The following ANKRD18B variants were observed in gnomAD, a reference collection of about 807,000 sequenced individuals.
ANKRD18B encodes the protein ankyrin repeat domain 18B.
ANKRD18B carries 75 observed loss-of-function variants against 111.8 expected under a neutral mutation model. The observed-to-expected ratio is 0.67, with a 90% CI of 0.56 to 0.81. ANKRD18B has a LOEUF of 0.81. Ranked by LOEUF, ANKRD18B falls within the 40% of genes least tolerant of loss-of-function variation. ANKRD18B has a pLI of 0.00. For synonymous variants in ANKRD18B, 356 were observed against 417.3 expected (o/e 0.85, Z 1.79); for missense variants, 1,038 against 1,225.5 (o/e 0.85, Z 2.28).
At position 33,536,935 on chromosome 9, in the gene ANKRD18B, T is replaced by C; in HGVS notation, c.798T>C (p.Asn266=). 5 of 1,500,664 alleles carry C rather than the reference T, an allele frequency of 3.3e-6. No homozygotes were observed. The highest frequency in any genetic ancestry group is 4.5e-6 in the Non-Finnish European group (5 of 1,118,496). The allele number at this position is 1,500,664 out of a possible 1,614,324, so 93.0% of individuals were successfully genotyped here. The change falls in exon 6 of 19, where the codon AAT becomes AAC. Residue 266 remains asparagine (N), a synonymous_variant. Coordinates refer to ENST00000684830, the MANE Select transcript of ANKRD18B (RefSeq NM_001393611.1). ...KNKMLKNHLR[N]DNQEAAAMKN... ...AGATGCTTAAAAATCATCTTCGAAA[T>C]GACAATCAAGGTAAGACTTCTGATA...
chr9:33,550,825 C>T (rs1320696470), intron 12 of ANKRD18B, among the ~76,000 whole-genome samples: 2 of 152,122 alleles, frequency 1.3e-5, no homozygotes, highest in African/African-American at 2.4e-5. Flanking sequence ...GAGAATGATA[C>T]ATCATTCCTC....
At chr9:33,559,014 GTTTTAAGGATTC>G in intron 14 of ANKRD18B, among the ~76,000 whole-genome samples, 2 of 152,308 alleles carry the variant, frequency 1.3e-5, no homozygotes, top group Non-Finnish European at 2.9e-5. Flanking sequence ...TCATAGGTGG[GTTTTAAGGATTC>G]TTTCAGTGAC....
chr9:33,569,347 C>T (rs1461852272), intron 17 of ANKRD18B, among the ~76,000 whole-genome samples: 1 of 149,476 alleles, frequency 6.7e-6, no homozygotes, highest in East Asian at 2.0e-4. Flanking sequence ...TAATTGCAAC[C>T]TCCGCCTCCT....
chr9:33,527,309 T>TTTCGTTTG (rs1554646722), intron 1 of ANKRD18B, among the ~76,000 whole-genome samples: 1 of 144,460 alleles, frequency 6.9e-6, no homozygotes, highest in African/African-American at 2.5e-5. Flanking sequence ...ATGTTTCTTT[T>TTTCGTTTG]TTTGTTTGTT....
At chr9:33,541,951 A>C (rs947341067) in intron 9 of ANKRD18B, among the ~76,000 whole-genome samples, 8 of 152,132 alleles carry the variant, frequency 5.3e-5, no homozygotes, top group African/African-American at 1.7e-4. Flanking sequence ...TCATGTAGAC[A>C]AAAACATACG....
chr9:33,541,798 T>A (rs952295347), intron 9 of ANKRD18B, among the ~76,000 whole-genome samples: 1 of 152,216 alleles, frequency 6.6e-6, no homozygotes, highest in Non-Finnish European at 1.5e-5. Flanking sequence ...TTTAAAAAAA[T>A]TTAAGAAATG....
In ANKRD18B at chr9:33,524,714, T is replaced by G. The variant is rs1203759921; in HGVS notation, c.206+19T>G. ...AAGACAGGTAGCGGGGGCTCAGCCC[T>G]CGGTGGGAGGGGGCCCCCAGGCCCG... On this transcript the variant is annotated intron_variant, in intron 1 of 18. Transcript: ENST00000684830. The G allele has an allele frequency of 1.7e-5, 27 of 1,545,516 alleles. No homozygotes were observed. The highest frequency in any genetic ancestry group is 2.0e-5 in the Non-Finnish European group (23 of 1,144,462).
chr9:33,569,418 C>A (rs1167907081), intron 17 of ANKRD18B, among the ~76,000 whole-genome samples: 1 of 151,900 alleles, frequency 6.6e-6, no homozygotes, highest in African/African-American at 2.4e-5. Context: ...GTGCCTGCCA[C>A]CACACCTGGC....
At chr9:33,571,479 T>C (rs1828774955) in intron 18 of ANKRD18B, 188 bp downstream of exon 18, 1 of 171,248 alleles carries the variant, frequency 5.8e-6, no homozygotes, top group African/African-American at 2.4e-5. Flanking sequence ...GCATCATTAA[T>C]TCATCATGTT....
intron 5 of ANKRD18B, among the ~76,000 whole-genome samples, chr9:33,536,564 G>T (rs1271492047): frequency 1.3e-5 from 2 of 152,162 alleles, no homozygotes; most frequent in Non-Finnish European, 2.9e-5. Flanking sequence ...AGAAGCAACT[G>T]ATCTGAAAAC....
In ANKRD18B at chr9:33,548,845, C is replaced by G; in HGVS notation, c.2057C>G (p.Ala686Gly). The change falls in exon 11 of 19, where the codon GCA (alanine) becomes GGA (glycine). Residue 686 changes from alanine to glycine, a missense_variant. By Grantham distance (60) the Ala-to-Gly change is moderately conservative. Transcript: ENST00000684830. ...EKLLQYEKEK[A>G]EREVIVREFQ... ...CTGCTTCAGTATGAAAAAGAAAAAG[C>G]AGAAAGAGAAGTAAGTATGAAGAAA... 1 of 1,481,860 alleles carries G rather than the reference C, an allele frequency of 6.7e-7. No homozygotes were observed. Among genetic ancestry groups the G allele is most frequent in the South Asian group, 1.5e-5 (1 of 68,692 alleles). The allele number at this position is 1,481,860 out of a possible 1,614,324, so 91.8% of individuals were successfully genotyped here.
At chr9:33,570,626 T>C (rs1384544939) in intron 17 of ANKRD18B, among the ~76,000 whole-genome samples, 2 of 148,742 alleles carry the variant, frequency 1.3e-5, no homozygotes, top group Non-Finnish European at 3.0e-5. Flanking sequence ...ATGACTTTAA[T>C]TGTTTAACCT....
chr9:33,549,020 A>T (rs1828409162), intron 11 of ANKRD18B, among the ~76,000 whole-genome samples, 165 bp downstream of exon 11: 1 of 152,190 alleles, frequency 6.6e-6, no homozygotes, highest in East Asian at 1.9e-4. Context: ...GTATAGGGAC[A>T]GAAAGATGAT....
intron 15 of ANKRD18B, among the ~76,000 whole-genome samples, chr9:33,566,736 T>G (rs1828691473): frequency 6.6e-6 from 1 of 152,136 alleles, no homozygotes; most frequent in Admixed American, 6.5e-5. Context: ...AAAGGGGGAA[T>G]TTGATGATTA....
In ANKRD18B at chr9:33,548,340, T is replaced by C. The variant is rs187816978; in HGVS notation, c.1552T>C (p.Trp518Arg). Residue 518 changes from tryptophan to arginine, a missense_variant, in exon 11 of 19, where the codon TGG becomes CGG. Physicochemically the swap from Trp to Arg is moderately radical, Grantham distance 101 (BLOSUM62 -3). Around this residue, in one of 4 missense-constraint regions of ANKRD18B, gnomAD observed 205 missense variants for 201.3 expected, o/e 1.02. Coordinates refer to ENST00000684830, the MANE Select transcript of ANKRD18B (RefSeq NM_001393611.1). ...AAGAAAAGACCTAGAACTAGTTTTA[T>C]GGAGAGCAGATGATGTTTCTAGACA... ...LERKDLELVL[W>R]RADDVSRHET... 4.4e-4 allele frequency: 675 copies of C among 1,549,760 alleles called. 3 individuals are homozygous for C. The African/African-American group carries it at 8.2e-3, about 19-fold the overall frequency.
At chr9:33,529,816 T>A (rs982290590) in intron 3 of ANKRD18B, among the ~76,000 whole-genome samples, 11 of 152,222 alleles carry the variant, frequency 7.2e-5, no homozygotes, top group African/African-American at 2.4e-4. Context: ...TTTAGAGGAC[T>A]CTGAGGAAAA....
chr9:33,525,602 T>C (rs1380963064), intron 1 of ANKRD18B, among the ~76,000 whole-genome samples: 2 of 152,010 alleles, frequency 1.3e-5, no homozygotes, highest in Non-Finnish European at 2.9e-5. Context: ...TACAGGTACA[T>C]TTTACGTTAA....
intron 3 of ANKRD18B, 113 bp from the exon 4 acceptor site, chr9:33,533,326 T>C (rs2117993871): frequency 6.7e-7 from 1 of 1,484,174 alleles, no homozygotes; most frequent in Non-Finnish European, 8.9e-7. Context: ...TGCTTTGCAT[T>C]TACTTTCTGT....
intron 15 of ANKRD18B, 146 bp downstream of exon 15, chr9:33,566,646 T>C: frequency 1.0e-6 from 1 of 969,084 alleles, no homozygotes; most frequent in East Asian, 3.0e-5. Flanking sequence ...AAGTGACGTT[T>C]TTTCCTTTTA....
Sources: allele counts gnomAD v4.1 joint callset (sites outside exome capture counted in the v4.1 genomes callset), GRCh38; gene constraint gnomAD v4.1.1; regional missense constraint gnomAD v4.1.1; transcripts MANE v1.5; gene names NCBI Gene and HGNC (gene_info 2026-07-23, HGNC 2026-07-21).